SNTG2: variants seen among roughly 807,000 people sequenced by gnomAD.
The protein encoded by SNTG2 is syntrophin gamma 2.
A neutral mutation model predicts 70.9 loss-of-function variants in SNTG2; 74 were observed. The ratio of observed to expected loss-of-function variants is 1.04; its 90% CI spans 0.86 to 1.27. The LOEUF (loss-of-function observed/expected upper bound fraction) is 1.27. SNTG2 is among the 50% of genes most tolerant of loss of function. The pLI is 0.00. For missense variants in SNTG2, 717 were observed against 690.7 expected (o/e 1.04, Z -0.43); for synonymous variants, 278 against 273.8 (o/e 1.02, Z -0.15).
At position 1,209,130 on chromosome 2, in the gene SNTG2, G is replaced by A; in HGVS notation, c.619G>A (p.Ala207Thr). The A allele has an allele frequency of 1.9e-6, 3 of 1,613,930 alleles. No individual in the cohort carries two copies. In the South Asian group the frequency reaches 3.3e-5, roughly 18 times the overall value. ...TAPSSPSSPIAKDPRYEKRWL... is the reference protein window; with the variant it reads ...TAPSSPSSPITKDPRYEKRWL... ...CCCATCGTCACCTTCCTCGCCCATA[G>A]CTAAGGACCCGAGGTATGAGAAGCG... is the stretch of plus-strand genomic sequence containing the variant. The change falls in exon 9 of 17, where the codon GCT becomes ACT. Residue 207 changes from alanine to threonine, a missense_variant. Transcript: ENST00000308624.
chr2:1,247,343 G>A lies in SNTG2; in HGVS notation c.905G>A (p.Trp302Ter). The A allele has an allele frequency of 6.2e-7, 1 of 1,613,198 alleles. No individual in the cohort carries two copies. The highest frequency in any genetic ancestry group is 1.1e-5 in the South Asian group (1 of 91,030). The change falls in exon 12 of 17, where the codon TGG becomes TAG. Residue 302 changes from tryptophan (W) to a stop codon, truncating the protein, a stop_gained. Coordinates refer to ENST00000308624, the MANE Select transcript of SNTG2 (RefSeq NM_018968.4). LOFTEE classifies it high-confidence loss of function. ...SPSDQVVHMG[W>*]VNEKLQGADS... ...CCTCTGCAGGTTGTGCATATGGGGTGGGTAAATGAGAAACTCCAAGGAGCT... is the reference window on the plus strand; with the variant it reads ...CCTCTGCAGGTTGTGCATATGGGGTAGGTAAATGAGAAACTCCAAGGAGCT...
chr2:1,167,860 G>A (rs568688324), intron 7 of SNTG2, among the ~76,000 whole-genome samples: 1 of 126,790 alleles, frequency 7.9e-6, no homozygotes, highest in African/African-American at 3.4e-5. Flanking sequence ...CCTACAGGCC[G>A]CCCACAGACG....
chr2:1,315,702 TATTTTTA>T (rs1681243761), intron 15 of SNTG2, among the ~76,000 whole-genome samples: 2 of 152,192 alleles, frequency 1.3e-5, no homozygotes, highest in Admixed American at 1.3e-4. Flanking sequence ...TAAAAGGCGA[TATTTTTA>T]ATTTTTAATT....
Position 1,227,533 on chromosome 2 carries a change from G to A in SNTG2, c.720-10355G>A, listed in dbSNP as rs10203031. 8.6e-3 allele frequency among the ~76,000 whole-genome samples: 1,314 copies of A among 152,318 alleles called. 16 individuals are homozygous for A. The highest frequency in any genetic ancestry group is 0.029 in the African/African-American group (1,206 of 41,578). ...GTCACGGCAGACAGCCTTTGAGCTC[G>A]TCCGCTCCGCCACGAATCCGTTTCC... On this transcript the variant is annotated intron_variant, in intron 9 of 16. Transcript: ENST00000308624.
At chr2:953,789 C>T (rs57791360) in intron 1 of SNTG2, among the ~76,000 whole-genome samples, 5,981 of 152,224 alleles carry the variant, frequency 0.039, 388 homozygotes, top group African/African-American at 0.14. Flanking sequence ...TTTTTTCCAA[C>T]ATGGGATGTT....
chr2:1,279,908 G>A lies in SNTG2; in HGVS notation c.1284+12337G>A, dbSNP rs1046596884. On this transcript the variant is annotated intron_variant, in intron 14 of 16. Coordinates refer to ENST00000308624, the MANE Select transcript of SNTG2 (RefSeq NM_018968.4). ...AAATTCATAAGTGGCTGGGAAGATC[G>A]TTTTGAATAAGTCACTGAACCTTCC... Among the ~76,000 whole-genome samples, 6 of 152,304 alleles carry A rather than the reference G, an allele frequency of 3.9e-5. No homozygotes were observed. The South Asian group carries it at 1.0e-3, about 26-fold the overall frequency.
chr2:1,293,885 C>T (rs1226529035), intron 14 of SNTG2, among the ~76,000 whole-genome samples: 1 of 152,138 alleles, frequency 6.6e-6, no homozygotes, highest in Non-Finnish European at 1.5e-5. Flanking sequence ...TGCTTTGATG[C>T]TGTAATAGTG....
At chr2:1,294,832 A>G (rs1680134206) in intron 14 of SNTG2, among the ~76,000 whole-genome samples, 2 of 152,244 alleles carry the variant, frequency 1.3e-5, no homozygotes, top group African/African-American at 2.4e-5. Flanking sequence ...CGTTTGCTTT[A>G]TAAATAACAC....
chr2:1,198,532 A>G (rs1007251302), intron 8 of SNTG2, among the ~76,000 whole-genome samples: 4 of 152,080 alleles, frequency 2.6e-5, no homozygotes, highest in African/African-American at 9.7e-5. Context: ...AGAACAAACT[A>G]AAGCCAAAAG....
chr2:1,036,728 C>A (rs1572269516), intron 1 of SNTG2, among the ~76,000 whole-genome samples: 1 of 79,292 alleles, frequency 1.3e-5, no homozygotes, highest in Non-Finnish European at 3.9e-5. Context: ...CAGCTGATCC[C>A]CCAATTGTGT....
At chr2:1,249,341 C>G (rs898620234) in intron 12 of SNTG2, among the ~76,000 whole-genome samples, 3 of 152,088 alleles carry the variant, frequency 2.0e-5, no homozygotes, top group African/African-American at 7.2e-5. Context: ...TTGAGTCTTG[C>G]TTTTACAGAT....
At chr2:1,081,743 A>G (rs564320744) in intron 1 of SNTG2, among the ~76,000 whole-genome samples, 14 of 152,356 alleles carry the variant, frequency 9.2e-5, no homozygotes, top group South Asian at 6.2e-4. Flanking sequence ...CGGTCTGGCA[A>G]TCTCACCCGT....
At chr2:1,350,831 C>T (rs575711633) in intron 16 of SNTG2, among the ~76,000 whole-genome samples, 2 of 152,136 alleles carry the variant, frequency 1.3e-5, no homozygotes, top group African/African-American at 4.8e-5. Context: ...ACTAGCCTTA[C>T]GAAAGCAAAT....
chr2:1,172,436 G>A (rs1671186140), intron 7 of SNTG2, among the ~76,000 whole-genome samples: 1 of 152,186 alleles, frequency 6.6e-6, no homozygotes. Context: ...AGATATTGGT[G>A]GGAAGGGACA....
At chr2:1,072,930 T>C (rs1393787665) in intron 1 of SNTG2, among the ~76,000 whole-genome samples, 3 of 152,202 alleles carry the variant, frequency 2.0e-5, no homozygotes, top group African/African-American at 7.2e-5. Flanking sequence ...TACCTGCAGA[T>C]GTGGTAGAAA....
At chr2:1,113,764 A>C (rs1302970891) in intron 4 of SNTG2, among the ~76,000 whole-genome samples, 1 of 151,796 alleles carries the variant, frequency 6.6e-6, no homozygotes, top group Non-Finnish European at 1.5e-5. Flanking sequence ...GTACTAAGTG[A>C]AATTTAACAC....
At chr2:1,193,207 G>T (rs377485399) in intron 8 of SNTG2, among the ~76,000 whole-genome samples, 2 of 152,214 alleles carry the variant, frequency 1.3e-5, no homozygotes, top group African/African-American at 2.4e-5. Flanking sequence ...CCTTAAAATA[G>T]GTGGCTCTGA....
chr2:1,130,259 G>T (rs531098558), intron 4 of SNTG2, among the ~76,000 whole-genome samples: 1 of 152,120 alleles, frequency 6.6e-6, no homozygotes, highest in East Asian at 1.9e-4. Flanking sequence ...TTGGTGAAGT[G>T]ACAACATAAT....
At chr2:1,302,133 T>G (rs767602546) in intron 14 of SNTG2, among the ~76,000 whole-genome samples, 16 of 152,048 alleles carry the variant, frequency 1.1e-4, no homozygotes, top group Admixed American at 9.8e-4. Context: ...GGCTAATTTT[T>G]TGTATTTAGT....
Sources: gnomAD v4.1 joint callset for allele counts (sites outside exome capture counted in the v4.1 genomes callset) on GRCh38, gnomAD v4.1.1 for gene constraint, MANE v1.5 for transcripts, NCBI Gene and HGNC (gene_info 2026-07-23, HGNC 2026-07-21) for gene names.